The following TPRG1 variants were observed in gnomAD, a reference collection of about 807,000 sequenced individuals.
TPRG1 encodes the protein tumor protein p63 regulated 1, also known as tumor protein p63-regulated gene 1 protein.
Under a neutral mutation model 29.3 loss-of-function variants are expected in TPRG1, and 29 were observed. That is an observed-to-expected ratio of 0.99 (90% CI 0.74 to 1.35). The LOEUF is 1.35. TPRG1 is among the 40% of genes most tolerant of loss of function. TPRG1 has a pLI of 0.00. For synonymous variants in TPRG1, 130 were observed against 116.8 expected (o/e 1.11, Z -0.73); for missense variants, 327 against 335.0 (o/e 0.98, Z 0.19).
At chr3:189,086,912 T>G (rs1717983399) in intron 4 of TPRG1, among the ~76,000 whole-genome samples, 1 of 152,194 alleles carries the variant, frequency 6.6e-6, no homozygotes, top group African/African-American at 2.4e-5. Context: ...ATCATTGATG[T>G]ACATTTGGGT....
At chr3:189,140,878 G>A (rs768904721) in intron 3 of TPRG1, among the ~76,000 whole-genome samples, 10 of 152,042 alleles carry the variant, frequency 6.6e-5, no homozygotes, top group Non-Finnish European at 1.2e-4. Flanking sequence ...GTATGTCCGC[G>A]CCAATCTTGA....
At chr3:189,113,435 G>C (rs569181066) in intron 1 of TPRG1, among the ~76,000 whole-genome samples, 1 of 152,116 alleles carries the variant, frequency 6.6e-6, no homozygotes, top group Non-Finnish European at 1.5e-5. Flanking sequence ...TGGTGAGACA[G>C]GGCATCCCTG....
In TPRG1 at chr3:189,033,297, C is replaced by A. The variant is rs1334184621; in HGVS notation, c.-463+9351C>A. 6.4e-5 allele frequency among the ~76,000 whole-genome samples: 9 copies of A among 140,304 alleles called. 1 individual carries two copies. Among genetic ancestry groups the A allele is most frequent in the African/African-American group, 2.1e-4 (8 of 37,752 alleles). 92.0% of individuals were successfully genotyped at this position (140,304 alleles called of 152,430 possible). A position where few individuals can be genotyped will look rare whatever the true frequency, so the allele number is the denominator to read the frequency against. ...ATTCCTTTTTTTTTTTTTTTAATTTCTTGAGGCAGGATCTCACACGTTCAC... is the reference window on the plus strand; with the variant it reads ...ATTCCTTTTTTTTTTTTTTTAATTTATTGAGGCAGGATCTCACACGTTCAC... On this transcript the variant is annotated intron_variant, in intron 4 of 10. Coordinates refer to the TPRG1 transcript ENST00000433971.
At chr3:189,013,738 T>C (rs1051006046) in intron 3 of TPRG1, among the ~76,000 whole-genome samples, 4 of 152,192 alleles carry the variant, frequency 2.6e-5, no homozygotes, top group African/African-American at 9.7e-5. Flanking sequence ...GGTAGTTAGC[T>C]CTATGCTACA....
intron 4 of TPRG1, among the ~76,000 whole-genome samples, chr3:189,288,684 C>T (rs1390772487): frequency 6.6e-6 from 1 of 152,220 alleles, no homozygotes; most frequent in Non-Finnish European, 1.5e-5. Context: ...TAACTCTGGG[C>T]AAACAGTATC....
At chr3:189,133,464 G>C (rs1723340763) in intron 3 of TPRG1, among the ~76,000 whole-genome samples, 1 of 152,162 alleles carries the variant, frequency 6.6e-6, no homozygotes. Flanking sequence ...CGTATTGAGG[G>C]AGGGAAGTGA....
At chr3:189,165,535 T>C (rs757424726) in intron 5 of TPRG1, among the ~76,000 whole-genome samples, 5 of 151,892 alleles carry the variant, frequency 3.3e-5, no homozygotes, top group Admixed American at 1.3e-4. Context: ...CCTGGGCATG[T>C]GCATTTTTAA....
intron 3 of TPRG1, among the ~76,000 whole-genome samples, chr3:189,144,573 T>TTTTAATAAAGAGAAA (rs1360642375): frequency 1.3e-5 from 2 of 152,206 alleles, no homozygotes; most frequent in African/African-American, 4.8e-5. Flanking sequence ...GGATTTTCTC[T>TTTTAATAAAGAGAAA]TTTAATAAAG....
intron 4 of TPRG1, among the ~76,000 whole-genome samples, chr3:189,272,695 C>CTTTCTTTCTTTCTTTCTTTCTTTCTT (rs770742123): frequency 3.6e-5 from 5 of 137,780 alleles, no homozygotes; most frequent in African/African-American, 1.2e-4. Context: ...TTCTTTCTTT[C>CTTTCTTTCTTTCTTTCTTTCTTTCTT]TCTTTCTTTC....
intron 4 of TPRG1, among the ~76,000 whole-genome samples, chr3:189,251,587 G>A (rs1401915031): frequency 6.6e-6 from 1 of 152,142 alleles, no homozygotes; most frequent in Admixed American, 6.5e-5. Context: ...GATGTGGCAG[G>A]ATCACAGGAT....
chr3:189,047,748 G>A (rs1047885177), intron 4 of TPRG1, among the ~76,000 whole-genome samples: 1 of 152,180 alleles, frequency 6.6e-6, no homozygotes, highest in East Asian at 1.9e-4. Context: ...TTTACCAGGA[G>A]TAGATTCCAT....
At chr3:189,146,993 TG>T (rs1725349526) in intron 3 of TPRG1, among the ~76,000 whole-genome samples, 1 of 152,214 alleles carries the variant, frequency 6.6e-6, no homozygotes, top group Non-Finnish European at 1.5e-5. Flanking sequence ...GCGTCCCCTC[TG>T]GGGTCCACAT....
chr3:189,238,962 G>A, intron 4 of TPRG1, 53 bp downstream of exon 4: 1 of 1,469,156 alleles, frequency 6.8e-7, no homozygotes. Context: ...TGGACCTGCA[G>A]GGAAAACAAG....
At chr3:189,310,976 T>A (rs1722393238) in intron 5 of TPRG1, among the ~76,000 whole-genome samples, 1 of 152,204 alleles carries the variant, frequency 6.6e-6, no homozygotes, top group African/African-American at 2.4e-5. Context: ...TAATGAGCAC[T>A]GCCTTTCCTC....
At chr3:189,282,559 C>T (rs966491118) in intron 4 of TPRG1, among the ~76,000 whole-genome samples, 3 of 152,146 alleles carry the variant, frequency 2.0e-5, no homozygotes, top group African/African-American at 7.2e-5. Context: ...TCTCTTCTCT[C>T]TCTGTCTTCT....
At chr3:189,023,001 C>G (rs1341339084) in intron 3 of TPRG1, among the ~76,000 whole-genome samples, 2 of 152,228 alleles carry the variant, frequency 1.3e-5, no homozygotes, top group Admixed American at 1.3e-4. Context: ...CAGGTGCCGT[C>G]CGTCACCCCT....
exon 4 of TPRG1, chr3:189,023,883 A>T (rs1281014744): frequency 2.0e-5 from 3 of 152,316 alleles, no homozygotes; most frequent in Non-Finnish European, 4.4e-5. Flanking sequence ...GTTCCATCCT[A>T]GGGGTGTACA....
chr3:189,272,728 CTTCCTTCCTTCCTTCCTTCCTTCG>C (rs1443434597), intron 4 of TPRG1, among the ~76,000 whole-genome samples: 15 of 139,678 alleles, frequency 1.1e-4, no homozygotes, highest in African/African-American at 4.4e-4. Context: ...TCCTTCCTTC[CTTCCTTCCTTCCTTCCTTCCTTCG>C]TTCCTTCCTT....
At chr3:189,188,855 A>T (rs577837988) in intron 1 of TPRG1, among the ~76,000 whole-genome samples, 27 of 152,220 alleles carry the variant, frequency 1.8e-4, no homozygotes, top group Non-Finnish European at 4.0e-4. Flanking sequence ...GGCAGATAAA[A>T]GTCATTGACC....
Sources: allele counts gnomAD v4.1 joint callset (sites outside exome capture counted in the v4.1 genomes callset), GRCh38; gene constraint gnomAD v4.1.1; transcripts MANE v1.5; gene names NCBI Gene and HGNC (gene_info 2026-07-23, HGNC 2026-07-21).